CD109: variants seen among roughly 807,000 people sequenced by gnomAD.
CD109 encodes the protein CD109 molecule.
Under a neutral mutation model 165.8 loss-of-function variants are expected in CD109, and 149 were observed. The observed-to-expected ratio is 0.90, with a 90% CI of 0.79 to 1.03. The LOEUF (loss-of-function observed/expected upper bound fraction) is 1.03. Ranked by LOEUF, CD109 falls within the 50% of genes least tolerant of loss-of-function variation. The probability of loss-of-function intolerance (pLI) is 0.00; values close to 1 mark genes in which losing one functional copy is unlikely to be tolerated. For synonymous variants in CD109, 585 were observed against 592.1 expected (o/e 0.99, Z 0.18); for missense variants, 1,712 against 1,677.8 (o/e 1.02, Z -0.36).
chr6:73,750,722 G>A (rs1006482685), intron 5 of CD109, among the ~76,000 whole-genome samples: 4 of 152,138 alleles, frequency 2.6e-5, no homozygotes, highest in African/African-American at 4.8e-5. Flanking sequence ...TTATGTTATG[G>A]TATTCCTATT....
intron 5 of CD109, among the ~76,000 whole-genome samples, chr6:73,751,556 A>G (rs1405858822): frequency 6.6e-6 from 1 of 152,126 alleles, no homozygotes; most frequent in Non-Finnish European, 1.5e-5. Flanking sequence ...TCTGATCCTG[A>G]ACATTCAGGA....
At position 73,825,050 on chromosome 6, in the gene CD109, T is replaced by C. The variant is rs536337988; in HGVS notation, c.*1417T>C. 6 of 152,170 alleles carry C rather than the reference T, an allele frequency of 3.9e-5. No individual in the cohort carries two copies. The South Asian group carries it at 1.0e-3, about 26-fold the overall frequency. The allele number at this position is 152,170 out of a possible 1,614,324, so 9.4% of individuals were successfully genotyped here. The stretch of plus-strand genomic sequence containing the variant: ...AAATAAATCCATCAAAAATAAAGTA[T>C]GCAAATGTATCTTTTAAAGTTAATT... On this transcript the variant is annotated 3_prime_UTR_variant, in exon 33 of 33. Coordinates refer to ENST00000287097, the MANE Select transcript of CD109 (RefSeq NM_133493.5).
At chr6:73,722,106 A>G (rs972956219) in intron 2 of CD109, among the ~76,000 whole-genome samples, 10 of 152,210 alleles carry the variant, frequency 6.6e-5, no homozygotes, top group Non-Finnish European at 1.5e-4. Flanking sequence ...ATCTAATTTG[A>G]CATTGGTAAG....
At chr6:73,783,662 C>T in intron 18 of CD109, 45 bp from the exon 19 acceptor site, 1 of 1,091,190 alleles carries the variant, frequency 9.2e-7, no homozygotes, top group Admixed American at 1.8e-5. Context: ...CAAAATGTAT[C>T]AGTTCTTGGT....
chr6:73,808,418 C>T (rs938320440), intron 26 of CD109, among the ~76,000 whole-genome samples, 170 bp downstream of exon 26: 1 of 152,012 alleles, frequency 6.6e-6, no homozygotes, highest in Non-Finnish European at 1.5e-5. Flanking sequence ...TTCTGGTCTC[C>T]CCAGGGTTTT....
At chr6:73,818,334 A>T (rs1776004526) in intron 30 of CD109, 54 bp from the exon 31 acceptor site, 3 of 1,589,662 alleles carry the variant, frequency 1.9e-6, no homozygotes, top group African/African-American at 1.4e-5. Flanking sequence ...TAATTTGATA[A>T]CAGCTATGGG....
At chr6:73,815,741 C>T (rs770354531) in intron 30 of CD109, among the ~76,000 whole-genome samples, 19 of 152,162 alleles carry the variant, frequency 1.2e-4, no homozygotes, top group Non-Finnish European at 2.1e-4. Context: ...TCAACCCTAC[C>T]GACTTCACAG....
At chr6:73,801,474 CA>C (rs1342178365) in intron 23 of CD109, among the ~76,000 whole-genome samples, 1 of 152,210 alleles carries the variant, frequency 6.6e-6, no homozygotes, top group Non-Finnish European at 1.5e-5. Context: ...GTTTTGTCAT[CA>C]CTTTAAATGT....
upstream of CD109, among the ~76,000 whole-genome samples, chr6:73,692,361 GC>G (rs1477686893): frequency 6.6e-6 from 1 of 151,922 alleles, no homozygotes; most frequent in Non-Finnish European, 1.5e-5. Context: ...CTTCTAAGAT[GC>G]CCCCTCAAAA....
chr6:73,753,194 T>A (rs1316318439), intron 5 of CD109, among the ~76,000 whole-genome samples: 3 of 152,168 alleles, frequency 2.0e-5, no homozygotes, highest in African/African-American at 7.2e-5. Flanking sequence ...GTTAAGTAGT[T>A]GGGACAGAGA....
At chr6:73,736,530 G>C (rs201101185) in intron 5 of CD109, 22 bp downstream of exon 5, 1 of 1,596,176 alleles carries the variant, frequency 6.3e-7, no homozygotes, top group Non-Finnish European at 8.5e-7. Flanking sequence ...TATATTTTTT[G>C]GGGGGAATGT....
chr6:73,700,223 C>A (rs1037326267), intron 2 of CD109, among the ~76,000 whole-genome samples: 31 of 151,708 alleles, frequency 2.0e-4, no homozygotes, highest in African/African-American at 7.3e-4. Flanking sequence ...GCTGGGACTA[C>A]AGGCAAGTGC....
intron 2 of CD109, among the ~76,000 whole-genome samples, chr6:73,720,417 AT>A: frequency 6.6e-6 from 1 of 152,306 alleles, no homozygotes; most frequent in East Asian, 1.9e-4. Flanking sequence ...GGGAGGAATA[AT>A]TTCAAGAGAT....
intron 7 of CD109, among the ~76,000 whole-genome samples, chr6:73,760,373 G>A (rs529338680): frequency 7.1e-4 from 88 of 123,436 alleles, no homozygotes; most frequent in African/African-American, 2.5e-3. Context: ...TGCCACTGCA[G>A]TCCGGCCTGG....
chr6:73,790,500 G>A (rs1297635498), intron 22 of CD109, among the ~76,000 whole-genome samples: 1 of 152,184 alleles, frequency 6.6e-6, no homozygotes, highest in East Asian at 1.9e-4. Flanking sequence ...ATAAAAGGAG[G>A]TTTATTATGA....
At chr6:73,696,133 C>A (rs1487826686), upstream of CD109, 32 of 1,326,350 alleles carry the variant, frequency 2.4e-5, no homozygotes, top group African/African-American at 4.4e-5. Flanking sequence ...GAAAAAAAAT[C>A]AGGGAGGAGG....
chr6:73,795,522 A>G (rs1257917729), intron 23 of CD109, among the ~76,000 whole-genome samples: 2 of 152,162 alleles, frequency 1.3e-5, no homozygotes, highest in South Asian at 2.1e-4. Flanking sequence ...GTAGTTTTTC[A>G]AAGTAACCCA....
intron 5 of CD109, among the ~76,000 whole-genome samples, chr6:73,740,142 G>A (rs1433011307): frequency 6.6e-6 from 1 of 152,192 alleles, no homozygotes; most frequent in Non-Finnish European, 1.5e-5. Flanking sequence ...GCCTCACAAA[G>A]TGCTGGGATT....
intron 2 of CD109, among the ~76,000 whole-genome samples, chr6:73,707,849 G>A (rs1001542431): frequency 1.3e-5 from 2 of 150,852 alleles, no homozygotes; most frequent in Admixed American, 1.3e-4. Flanking sequence ...TAAAAGTAAT[G>A]TCACCCAATT....
Sources: allele counts gnomAD v4.1 joint callset (sites outside exome capture counted in the v4.1 genomes callset), GRCh38; gene constraint gnomAD v4.1.1; transcripts MANE v1.5; gene names NCBI Gene and HGNC (gene_info 2026-07-23, HGNC 2026-07-21).